UNC5D: variants seen among roughly 807,000 people sequenced by gnomAD.
UNC5D encodes unc-5 netrin receptor D, also known as netrin receptor UNC5D.
In UNC5D, 39 loss-of-function variants were observed where a neutral mutation model predicts 105.4. The ratio of observed to expected loss-of-function variants is 0.37; its 90% CI spans 0.29 to 0.48. The LOEUF (loss-of-function observed/expected upper bound fraction) is 0.48, where lower values mean the gene tolerates loss of function less well. Among genes scored for constraint, UNC5D ranks in the 20% least tolerant of loss-of-function variants. UNC5D has a pLI of 0.98. For missense variants in UNC5D, 991 were observed against 1,202.4 expected (o/e 0.82, Z 2.60); for synonymous variants, 452 against 450.4 (o/e 1.00, Z -0.04).
At chr8:35,779,642 G>T (rs565431979) in intron 16 of UNC5D, among the ~76,000 whole-genome samples, 1 of 152,236 alleles carries the variant, frequency 6.6e-6, no homozygotes, top group Admixed American at 6.5e-5. Context: ...TTTTTGCAGA[G>T]ATGGGGTTTC....
intron 15 of UNC5D, among the ~76,000 whole-genome samples, chr8:35,770,557 T>G (rs1017012103): frequency 2.6e-5 from 4 of 152,324 alleles, no homozygotes; most frequent in Admixed American, 1.3e-4. Flanking sequence ...AATTTAACCC[T>G]ATTGAATTAC....
intron 1 of UNC5D, among the ~76,000 whole-genome samples, chr8:35,355,105 T>C (rs1290259905): frequency 6.6e-6 from 1 of 152,160 alleles, no homozygotes; most frequent in Admixed American, 6.6e-5. Flanking sequence ...GTTAGTGCAG[T>C]TACAGAGTCT....
At position 35,783,161 on chromosome 8, in the gene UNC5D, AAG is replaced by A. The variant is rs1353244336; in HGVS notation, c.2658-7195_2658-7194del. Among the ~76,000 whole-genome samples the A allele has an allele frequency of 2.4e-4, 33 of 138,548 alleles. 1 individual carries two copies. Among genetic ancestry groups the A allele is most frequent in the African/African-American group, 9.8e-4 (30 of 30,768 alleles). The allele number at this position is 138,548 out of a possible 152,430, so 90.9% of individuals were successfully genotyped here. On this transcript the variant is annotated intron_variant, in intron 16 of 16. Transcript: ENST00000404895. ...CTATCTTGGAGAAAGAAAAAAAAAA[AAG>A]AGTCATATGTAAGTAATGTAAGTAG...
chr8:35,270,223 T>C (rs1420976923), intron 1 of UNC5D, among the ~76,000 whole-genome samples: 5 of 152,178 alleles, frequency 3.3e-5, no homozygotes. Flanking sequence ...AACGGTCACC[T>C]AGTGGATGCT....
At chr8:35,382,880 A>G (rs1294341391) in intron 1 of UNC5D, among the ~76,000 whole-genome samples, 2 of 152,132 alleles carry the variant, frequency 1.3e-5, no homozygotes, top group Non-Finnish European at 2.9e-5. Flanking sequence ...TCTCTAGTTT[A>G]TGGATATTAC....
intron 1 of UNC5D, among the ~76,000 whole-genome samples, chr8:35,464,941 C>T (rs1428135799): frequency 6.6e-6 from 1 of 152,166 alleles, no homozygotes; most frequent in African/African-American, 2.4e-5. Context: ...TCATGTCTGC[C>T]ACTTCCTTCA....
At position 35,747,893 on chromosome 8, in the gene UNC5D, GAA is replaced by G. The variant is rs751003328; in HGVS notation, c.1767-631_1767-630del. On this transcript the variant is annotated intron_variant, in intron 11 of 16. Coordinates refer to ENST00000404895, the MANE Select transcript of UNC5D (RefSeq NM_080872.4). The stretch of plus-strand genomic sequence containing the variant: ...TGATTTTAAATTTAGATCTAAAATA[GAA>G]AAGAGTTGAAAGATACACATTTATG... Among the ~76,000 whole-genome samples the G allele has an allele frequency of 7.0e-4, 106 of 152,286 alleles. 1 individual carries two copies. The highest frequency in any genetic ancestry group is 6.8e-3 in the Middle Eastern group (2 of 294).
intron 1 of UNC5D, among the ~76,000 whole-genome samples, chr8:35,372,860 C>T (rs1802501295): frequency 1.3e-5 from 2 of 152,184 alleles, no homozygotes; most frequent in Non-Finnish European, 2.9e-5. Flanking sequence ...CCTTGGCCTC[C>T]CAAAGTACTG....
At chr8:35,393,198 T>C (rs199783279) in intron 1 of UNC5D, among the ~76,000 whole-genome samples, 4 of 124,374 alleles carry the variant, frequency 3.2e-5, no homozygotes, top group Non-Finnish European at 3.2e-5. Flanking sequence ...AGTGGCGCAA[T>C]CTCGGCTCAC....
At chr8:35,704,883 G>A (rs1448103012) in intron 7 of UNC5D, among the ~76,000 whole-genome samples, 2 of 151,422 alleles carry the variant, frequency 1.3e-5, no homozygotes, top group South Asian at 2.1e-4. Flanking sequence ...TAGGACAGGA[G>A]ACAATGAATG....
chr8:35,693,713 T>G (rs753113030), intron 7 of UNC5D, among the ~76,000 whole-genome samples: 6 of 152,122 alleles, frequency 3.9e-5, no homozygotes, highest in African/African-American at 7.2e-5. Context: ...TCTACCTACA[T>G]TTTCCCATTG....
At chr8:35,751,689 C>T (rs1313790887) in intron 13 of UNC5D, among the ~76,000 whole-genome samples, 2 of 152,056 alleles carry the variant, frequency 1.3e-5, no homozygotes, top group Admixed American at 1.3e-4. Context: ...AAGCAAGAGC[C>T]GTGTTACTGT....
At position 35,795,764 on chromosome 8, in the gene UNC5D, A is replaced by T. The variant is rs1803230245; in HGVS notation, c.*5201A>T. 6.6e-6 allele frequency: 1 copy of T among 152,196 alleles called. No homozygotes were observed. The highest frequency in any genetic ancestry group is 2.1e-4 in the South Asian group (1 of 4,830). 9.4% of individuals were successfully genotyped at this position (152,196 alleles called of 1,614,324 possible). On this transcript the variant is annotated 3_prime_UTR_variant, in exon 17 of 17. Transcript: ENST00000404895. Reference sequence around the variant, plus strand: ...TATACAAAGGTGGAAAAGCACTCAGAATCTGGGAATTTTCTGGTTGGAAGA... The same window carrying T: ...TATACAAAGGTGGAAAAGCACTCAGTATCTGGGAATTTTCTGGTTGGAAGA...
chr8:35,434,519 T>C (rs1806874838), intron 1 of UNC5D, among the ~76,000 whole-genome samples: 1 of 152,084 alleles, frequency 6.6e-6, no homozygotes, highest in Admixed American at 6.6e-5. Context: ...TTACACACTA[T>C]TGGCTTTTTT....
At chr8:35,385,456 CT>C (rs1370285570) in intron 1 of UNC5D, among the ~76,000 whole-genome samples, 6 of 135,182 alleles carry the variant, frequency 4.4e-5, no homozygotes, top group Middle Eastern at 7.9e-3. Context: ...ATCCCTCTAC[CT>C]ACCTCTTTTT....
intron 3 of UNC5D, among the ~76,000 whole-genome samples, chr8:35,573,758 C>A (rs562733769): frequency 1.3e-5 from 2 of 152,296 alleles, no homozygotes; most frequent in South Asian, 2.1e-4. Context: ...TGCATGCACA[C>A]ACACATTTTG....
At chr8:35,678,178 C>T (rs1825399058) in intron 4 of UNC5D, among the ~76,000 whole-genome samples, 1 of 152,246 alleles carries the variant, frequency 6.6e-6, no homozygotes, top group Middle Eastern at 3.4e-3. Context: ...CTTGAGCATA[C>T]ATCATTTACA....
At chr8:35,599,527 A>G (rs191839307) in intron 4 of UNC5D, among the ~76,000 whole-genome samples, 4 of 152,326 alleles carry the variant, frequency 2.6e-5, no homozygotes, top group African/African-American at 9.6e-5. Context: ...CATGCTTCTC[A>G]CATCCAGGTG....
intron 1 of UNC5D, among the ~76,000 whole-genome samples, chr8:35,465,236 C>T (rs375763096): frequency 2.0e-5 from 3 of 152,102 alleles, no homozygotes; most frequent in Non-Finnish European, 4.4e-5. Context: ...GCAAAAAGTA[C>T]AAAAAATTAG....
Sources: allele counts gnomAD v4.1 joint callset (sites outside exome capture counted in the v4.1 genomes callset), GRCh38; gene constraint gnomAD v4.1.1; transcripts MANE v1.5; gene names NCBI Gene and HGNC (gene_info 2026-07-23, HGNC 2026-07-21).